Variants in ZNHIT2 observed in about 807,000 individuals in gnomAD.
ZNHIT2 encodes zinc finger HIT-type containing 2.
In ZNHIT2, 16 loss-of-function variants were observed where a neutral mutation model predicts 18.0. The observed-to-expected ratio is 0.89, with a 90% CI of 0.60 to 1.35. The LOEUF is 1.35. Among genes scored for constraint, ZNHIT2 ranks in the 40% most tolerant of loss-of-function variants. The probability of loss-of-function intolerance (pLI) is 0.00; values close to 1 mark genes in which losing one functional copy is unlikely to be tolerated. For synonymous variants in ZNHIT2, 336 were observed against 269.8 expected (o/e 1.25, Z -2.41); for missense variants, 631 against 566.4 (o/e 1.11, Z -1.16).
At position 65,116,419 on chromosome 11, in the gene ZNHIT2, T is replaced by C; in HGVS notation, c.*23A>G. ...CAACAGGGCTGACCAGTCACAGCTT[T>C]ATTAATGACCAGGGTAACCCGTTCA... On this transcript the variant is annotated 3_prime_UTR_variant, in exon 1 of 1. Transcript: ENST00000310597. The C allele has an allele frequency of 6.6e-7, 1 of 1,509,532 alleles. No individual in the cohort carries two copies. The highest frequency in any genetic ancestry group is 8.9e-7 in the Non-Finnish European group (1 of 1,128,288). 93.5% of individuals were successfully genotyped at this position (1,509,532 alleles called of 1,614,324 possible). A position where few individuals can be genotyped will look rare whatever the true frequency, so the allele number is the denominator to read the frequency against.
Position 65,116,972 on chromosome 11 carries a change from G to GGGCGAGAGTAA in ZNHIT2, c.681_682insTTACTCTCGCC (p.Tyr229LeufsTer135). On this transcript the variant is annotated frameshift_variant, in exon 1 of 1. Coordinates refer to ENST00000310597, the MANE Select transcript of ZNHIT2 (RefSeq NM_014205.4). LOFTEE classifies it high-confidence loss of function. ...AGCGCGTCGTCACCGCCGTGATACA[G>GGGCGAGAGTAA]GGCGAGAGTATGCGCGTAGGCGAAC... 1 of 1,602,492 alleles carries GGGCGAGAGTAA rather than the reference G, an allele frequency of 6.2e-7. No individual in the cohort carries two copies. Among genetic ancestry groups the GGGCGAGAGTAA allele is most frequent in the Non-Finnish European group, 8.5e-7 (1 of 1,178,268 alleles).
Position 65,116,521 on chromosome 11 carries a change from AG to A in ZNHIT2, c.1132del (p.Leu378SerfsTer?). 6.5e-7 allele frequency: 1 copy of A among 1,534,608 alleles called. No individual in the cohort carries two copies. Among genetic ancestry groups the A allele is most frequent in the South Asian group, 1.3e-5 (1 of 79,206 alleles). On this transcript the variant is annotated frameshift_variant, in exon 1 of 1. Transcript: ENST00000310597. LOFTEE classifies it high-confidence loss of function. The part of the protein sequence containing the change: ...HAVVAEEVAA[L>X]TGELERLWGG... ...CCAAAGCCGCTCCAGCTCCCCAGTG[AG>A]GGCGGCCACCTCCTCGGCTACCACA...
Position 65,116,674 on chromosome 11 carries a change from C to T in ZNHIT2, c.980G>A (p.Arg327Lys), listed in dbSNP as rs774561781. ...CCGGTAAAGATGATCTCGCTCTTCT[C>T]TAGCCACGGCCTGTTTCCGGGCACG... is the stretch of plus-strand genomic sequence containing the variant. Reference protein sequence around the residue: ...LGRARKQAVAREERDHLYRAR... With the variant: ...LGRARKQAVAKEERDHLYRAR... Residue 327 changes from arginine to lysine, a missense_variant, in exon 1 of 1, where the codon AGA becomes AAA. By Grantham distance (26) the Arg-to-Lys change is conservative (BLOSUM62 2). Transcript: ENST00000310597. 18 of 1,613,892 alleles carry T rather than the reference C, an allele frequency of 1.1e-5. No individual in the cohort carries two copies. Among genetic ancestry groups the T allele is most frequent in the African/African-American group, 1.3e-5 (1 of 74,958 alleles).
Position 65,117,120 on chromosome 11 carries a change from C to A in ZNHIT2, c.534G>T (p.Glu178Asp), listed in dbSNP as rs35984938. 2.5e-4 allele frequency: 396 copies of A among 1,582,196 alleles called. 2 individuals carry two copies. The African/African-American group carries it at 4.7e-3, about 19-fold the overall frequency. The change falls in exon 1 of 1, where the codon GAG (glutamate) becomes GAT (aspartate). Residue 178 changes from glutamate (E) to aspartate (D), a missense_variant. Coordinates refer to ENST00000310597, the MANE Select transcript of ZNHIT2 (RefSeq NM_014205.4). The stretch of plus-strand genomic sequence containing the variant: ...CCCCCGGGACATCTCCAAGAACCCG[C>A]TCGGCGGCCGCGGGCTCCGCGGCGG... ...DASAAEPAAAERVLGDVPGAC... is the reference protein window; with the variant it reads ...DASAAEPAAADRVLGDVPGAC...
rs1428958283 is a variant in ZNHIT2 at position 65,117,609 on chromosome 11, G to C, written c.45C>G (p.Val15=). Residue 15 remains valine (V), a synonymous_variant, in exon 1 of 1, where the codon GTC becomes GTG. Coordinates refer to ENST00000310597, the MANE Select transcript of ZNHIT2 (RefSeq NM_014205.4). ...GPCGFCPAGE[V]QPARYTCPRC... The stretch of plus-strand genomic sequence containing the variant: ...GAGGGCAGGTGTAACGCGCTGGCTG[G>C]ACCTCCCCCGCCGGGCAGAAGCCAC... 6.6e-7 allele frequency: 1 copy of C among 1,505,924 alleles called. No individual in the cohort carries two copies. The highest frequency in any genetic ancestry group is 2.2e-5 in the Admixed American group (1 of 45,338). The allele number at this position is 1,505,924 out of a possible 1,614,324, so 93.3% of individuals were successfully genotyped here.
In ZNHIT2 at chr11:65,116,637, C is replaced by G. The variant is rs1333131549; in HGVS notation, c.1017G>C (p.Lys339Asn). Reference sequence around the variant, plus strand: ...TGGTCCAGGCCAGGAGGAACTGGCACTTTTTCCGGGCCCGGTAAAGATGAT... The same window carrying G: ...TGGTCCAGGCCAGGAGGAACTGGCAGTTTTTCCGGGCCCGGTAAAGATGAT... Reference protein sequence around the residue: ...ERDHLYRARKKCQFLLAWTNE... With the variant: ...ERDHLYRARKNCQFLLAWTNE... Residue 339 changes from lysine (K) to asparagine (N), a missense_variant, in exon 1 of 1, where the codon AAG (lysine) becomes AAC (asparagine). Lys to Asn is a moderately conservative substitution (Grantham distance 94). Transcript: ENST00000310597. The G allele has an allele frequency of 6.2e-7, 1 of 1,613,928 alleles. No homozygotes were observed. Among genetic ancestry groups the G allele is most frequent in the African/African-American group, 1.3e-5 (1 of 74,948 alleles).
rs1565329370 is a variant in ZNHIT2, at chr11:65,117,544, G to A, written c.110C>T (p.Thr37Met). The A allele has an allele frequency of 1.9e-6, 3 of 1,590,822 alleles. No individual in the cohort carries two copies. The highest frequency in any genetic ancestry group is 1.7e-6 in the Non-Finnish European group (2 of 1,175,844). Residue 37 changes from threonine to methionine, a missense_variant, in exon 1 of 1, where the codon ACG becomes ATG. Thr to Met is a moderately conservative substitution (Grantham distance 81, BLOSUM62 -1). Coordinates refer to ENST00000310597, the MANE Select transcript of ZNHIT2 (RefSeq NM_014205.4). ...APYCSLRCYR[T>M]HGTCAENFYR... ...GAAGTTTTCTGCGCAGGTGCCATGC[G>A]TCCGGTAGCAGCGCAGCGAGCAGTA...
rs779295493 is a variant in ZNHIT2 at position 65,116,939 on chromosome 11, C to T, written c.715G>A (p.Asp239Asn). 6.3e-6 allele frequency: 10 copies of T among 1,597,284 alleles called. No individual in the cohort carries two copies. The highest frequency in any genetic ancestry group is 6.0e-6 in the Non-Finnish European group (7 of 1,176,278). The part of the protein sequence containing the change: ...YHGGDDALLS[D>N]FCATLLGVSG... ...ACGCCGAGCAGTGTGGCACAGAAGT[C>T]AGAGAGCAGCGCGTCGTCACCGCCG... is the stretch of plus-strand genomic sequence containing the variant. The change falls in exon 1 of 1, where the codon GAC (aspartate) becomes AAC (asparagine). Residue 239 changes from aspartate to asparagine, a missense_variant. Transcript: ENST00000310597.
Position 65,117,190 on chromosome 11 carries a change from T to C in ZNHIT2, c.464A>G (p.Glu155Gly), listed in dbSNP as rs554302041. 2.6e-6 allele frequency: 4 copies of C among 1,547,802 alleles called. No individual in the cohort carries two copies. Among genetic ancestry groups the C allele is most frequent in the Admixed American group, 3.7e-5 (2 of 53,560 alleles). The change falls in exon 1 of 1, where the codon GAG (glutamate) becomes GGG (glycine). Residue 155 changes from glutamate (E) to glycine (G), a missense_variant. Physicochemically the swap from Glu to Gly is moderately conservative, Grantham distance 98 (BLOSUM62 -2). Coordinates refer to ENST00000310597, the MANE Select transcript of ZNHIT2 (RefSeq NM_014205.4). ...CGGCGGGGTCCTCGCAGGGGCGAGCTCCAGCTCCGCGGCGTCACTACCCGG... is the reference window on the plus strand; with the variant it reads ...CGGCGGGGTCCTCGCAGGGGCGAGCCCCAGCTCCGCGGCGTCACTACCCGG... ...NAPGSDAAEL[E>G]LAPARTPPDS... is the part of the protein sequence containing the mutation.
rs1220194494 is a variant in ZNHIT2, at chr11:65,117,164, C to T, written c.490G>A (p.Asp164Asn). Reference protein sequence around the residue: ...LELAPARTPPDSVKDASAAEP... With the variant: ...LELAPARTPPNSVKDASAAEP... ...GCGGCGGAGGCATCTTTCACAGAAT[C>T]CGGCGGGGTCCTCGCAGGGGCGAGC... The change falls in exon 1 of 1, where the codon GAT (aspartate) becomes AAT (asparagine). Residue 164 changes from aspartate to asparagine, a missense_variant. Transcript: ENST00000310597. The T allele has an allele frequency of 1.9e-6, 3 of 1,567,620 alleles. No homozygotes were observed. Among genetic ancestry groups the T allele is most frequent in the African/African-American group, 2.7e-5 (2 of 74,114 alleles).
rs766708058 is a variant in ZNHIT2, at chr11:65,116,549, C to T, written c.1105G>A (p.Ala369Thr). Residue 369 changes from alanine (A) to threonine (T), a missense_variant, in exon 1 of 1, where the codon GCT becomes ACT. Coordinates refer to ENST00000310597, the MANE Select transcript of ZNHIT2 (RefSeq NM_014205.4). ...LDCARAHQAH[A>T]VVAEEVAALT... is the part of the protein sequence containing the mutation. Reference sequence around the variant, plus strand: ...GCGGCCACCTCCTCGGCTACCACAGCATGGGCTTGGTGAGCCCTGGCGCAG... The same window carrying T: ...GCGGCCACCTCCTCGGCTACCACAGTATGGGCTTGGTGAGCCCTGGCGCAG... The T allele has an allele frequency of 5.8e-6, 9 of 1,564,352 alleles. No homozygotes were observed. The highest frequency in any genetic ancestry group is 7.8e-6 in the Non-Finnish European group (9 of 1,148,810).
Position 65,116,824 on chromosome 11 carries a change from G to A in ZNHIT2, c.830C>T (p.Pro277Leu). ...AAHVLEAGEH[P>L]PGPLGTRGAM... The stretch of plus-strand genomic sequence containing the variant: ...CCCTCGTGTGCCCAGGGGCCCCGGC[G>A]GGTGCTCGCCTGCTTCCAGCACGTG... Residue 277 changes from proline to leucine, a missense_variant, in exon 1 of 1, where the codon CCG becomes CTG. By Grantham distance (98) the Pro-to-Leu change is moderately conservative. Coordinates refer to ENST00000310597, the MANE Select transcript of ZNHIT2 (RefSeq NM_014205.4). The A allele has an allele frequency of 6.2e-7, 1 of 1,608,398 alleles. No homozygotes were observed. The highest frequency in any genetic ancestry group is 8.5e-7 in the Non-Finnish European group (1 of 1,178,042).
chr11:65,116,429 C>G lies in ZNHIT2; in HGVS notation c.*13G>C, dbSNP rs373041278. On this transcript the variant is annotated 3_prime_UTR_variant, in exon 1 of 1. Transcript: ENST00000310597. ...GACCAGTCACAGCTTTATTAATGAC[C>G]AGGGTAACCCGTTCAGCTAGGGAGC... The G allele has an allele frequency of 6.7e-5, 101 of 1,509,098 alleles. No individual in the cohort carries two copies. The highest frequency in any genetic ancestry group is 3.6e-4 in the Middle Eastern group (2 of 5,554). 93.5% of individuals were successfully genotyped at this position (1,509,098 alleles called of 1,614,324 possible). A position where few individuals can be genotyped will look rare whatever the true frequency, so the allele number is the denominator to read the frequency against.
Position 65,117,583 on chromosome 11 carries a change from C to T in ZNHIT2, c.71G>A (p.Arg24His), listed in dbSNP as rs765154831. ...CAGCGAGCAGTAGGGCGCATTACAG[C>T]GAGGGCAGGTGTAACGCGCTGGCTG... is the stretch of plus-strand genomic sequence containing the variant. ...EVQPARYTCP[R>H]CNAPYCSLRC... Residue 24 changes from arginine to histidine, a missense_variant, in exon 1 of 1, where the codon CGC (arginine) becomes CAC (histidine). By Grantham distance (29) the Arg-to-His change is conservative. Transcript: ENST00000310597. 19 of 1,567,834 alleles carry T rather than the reference C, an allele frequency of 1.2e-5. No individual in the cohort carries two copies. Among genetic ancestry groups the T allele is most frequent in the Non-Finnish European group, 2.6e-6 (3 of 1,165,336 alleles).
chr11:65,116,861 G>A lies in ZNHIT2; in HGVS notation c.793C>T (p.Gln265Ter), dbSNP rs1292173007. ...QVFASAEEAL[Q>*]AAAHVLEAGE... ...GCTTCCAGCACGTGGGCTGCCGCCT[G>A]CAGGGCTTCTTCCGCAGAGGCGAAG... Residue 265 changes from glutamine to a stop codon, truncating the protein, a stop_gained, in exon 1 of 1, where the codon CAG becomes TAG. Transcript: ENST00000310597. LOFTEE classifies it high-confidence loss of function. The A allele has an allele frequency of 6.2e-7, 1 of 1,604,996 alleles. No individual in the cohort carries two copies. The highest frequency in any genetic ancestry group is 8.5e-7 in the Non-Finnish European group (1 of 1,178,714).
In ZNHIT2 at chr11:65,116,555, C is replaced by T. The variant is rs1484244627; in HGVS notation, c.1099G>A (p.Ala367Thr). 3 of 1,571,262 alleles carry T rather than the reference C, an allele frequency of 1.9e-6. No individual in the cohort carries two copies. The highest frequency in any genetic ancestry group is 1.7e-6 in the Non-Finnish European group (2 of 1,152,348). The change falls in exon 1 of 1, where the codon GCC becomes ACC. Residue 367 changes from alanine (A) to threonine (T), a missense_variant. Transcript: ENST00000310597. Reference protein sequence around the residue: ...LALDCARAHQAHAVVAEEVAA... With the variant: ...LALDCARAHQTHAVVAEEVAA... ...ACCTCCTCGGCTACCACAGCATGGG[C>T]TTGGTGAGCCCTGGCGCAGTCTAGG...
At position 65,117,208 on chromosome 11, in the gene ZNHIT2, C is replaced by G. The variant is rs139901800; in HGVS notation, c.446G>C (p.Ser149Thr). 1 of 1,535,592 alleles carries G rather than the reference C, an allele frequency of 6.5e-7. No individual in the cohort carries two copies. Among genetic ancestry groups the G allele is most frequent in the Non-Finnish European group, 8.7e-7 (1 of 1,147,636 alleles). ...LLEELDNAPGSDAAELELAPA... is the reference protein window; with the variant it reads ...LLEELDNAPGTDAAELELAPA... ...GGCGAGCTCCAGCTCCGCGGCGTCA[C>G]TACCCGGGGCATTATCCAGCTCCTC... Residue 149 changes from serine (S) to threonine (T), a missense_variant, in exon 1 of 1, where the codon AGT becomes ACT. Coordinates refer to ENST00000310597, the MANE Select transcript of ZNHIT2 (RefSeq NM_014205.4).
In ZNHIT2 at chr11:65,117,503, GC is replaced by G; in HGVS notation, c.150del (p.Leu51TrpfsTer14). On this transcript the variant is annotated frameshift_variant, in exon 1 of 1. Coordinates refer to ENST00000310597, the MANE Select transcript of ZNHIT2 (RefSeq NM_014205.4). LOFTEE classifies it high-confidence loss of function. ...GCGCTGCAACCGCGGAGCTCTCCCA[GC>G]ACCTGGTCACGGTAGAAGTTTTCTG... ...TCAENFYRDQ[V>X]LGELRGCSAP... is the part of the protein sequence containing the mutation. 6.3e-7 allele frequency: 1 copy of G among 1,587,768 alleles called. No individual in the cohort carries two copies. The highest frequency in any genetic ancestry group is 8.5e-7 in the Non-Finnish European group (1 of 1,174,900).
Position 65,117,141 on chromosome 11 carries a change from GGC to G in ZNHIT2, c.511_512del (p.Ala171ArgfsTer62). 6.3e-7 allele frequency: 1 copy of G among 1,579,036 alleles called. No individual in the cohort carries two copies. Among genetic ancestry groups the G allele is most frequent in the Non-Finnish European group, 8.6e-7 (1 of 1,166,286 alleles). On this transcript the variant is annotated frameshift_variant, in exon 1 of 1. Coordinates refer to ENST00000310597, the MANE Select transcript of ZNHIT2 (RefSeq NM_014205.4). LOFTEE classifies it high-confidence loss of function. Reference sequence around the variant, plus strand: ...CCCGCTCGGCGGCCGCGGGCTCCGCGGCGGAGGCATCTTTCACAGAATCCGGC... The same window carrying G: ...CCCGCTCGGCGGCCGCGGGCTCCGCGGGAGGCATCTTTCACAGAATCCGGC... ...TPPDSVKDAS[A>X]AEPAAAERVL...
Sources: allele counts gnomAD v4.1 joint callset, GRCh38; gene constraint gnomAD v4.1.1; transcripts MANE v1.5; gene names NCBI Gene and HGNC (gene_info 2026-07-23, HGNC 2026-07-21).